The following TPMT variants were observed in gnomAD, a reference collection of about 807,000 sequenced individuals.
The protein encoded by TPMT is S-adenosyl-L-methionine:thiopurine S-methyltransferase.
Under a neutral mutation model 34.2 loss-of-function variants are expected in TPMT, and 18 were observed. The ratio of observed to expected loss-of-function variants is 0.53; its 90% CI spans 0.36 to 0.78. The LOEUF (loss-of-function observed/expected upper bound fraction) is 0.78. TPMT is among the 30% of genes least tolerant of loss of function. The pLI, the probability that TPMT is intolerant of heterozygous loss-of-function variation, is 0.00. For missense variants in TPMT, 265 were observed against 288.1 expected (o/e 0.92, Z 0.58); for synonymous variants, 69 against 92.4 (o/e 0.75, Z 1.45).
rs1246496674 is a variant in TPMT at position 18,130,749 on chromosome 6, C to T, written c.657G>A (p.Lys219=). The change falls in exon 9 of 9, where the codon AAG becomes AAA. Residue 219 remains lysine, a synonymous_variant. Transcript: ENST00000309983. The surrounding 1 kb of genome is among the most constrained non-coding windows in gnomAD (Gnocchi z 4.2). The part of the protein sequence containing the change: ...GKICNIRCLE[K]VDAFEERHKS... ...TATGTCGTTCTTCAAAAGCATCAAC[C>T]TTCTCAAGACAACGTATATTGCATA... 1 of 1,613,650 alleles carries T rather than the reference C, an allele frequency of 6.2e-7. No individual in the cohort carries two copies. The highest frequency in any genetic ancestry group is 1.1e-5 in the South Asian group (1 of 91,066).
rs150455490 is a variant in TPMT, at chr6:18,149,554, C to G, written c.-44-383G>C. On this transcript the variant is annotated intron_variant, in intron 1 of 8. Transcript: ENST00000309983. This position sits in a 1 kb window ranked among gnomAD's most constrained non-coding sequence, Gnocchi z 5.0. ...TTACTGCAAGCTTCAACCTCCTGGG[C>G]TCAAGCGATCCTCCCATTTCAGCCT... Among the ~76,000 whole-genome samples, 3 of 151,704 alleles carry G rather than the reference C, an allele frequency of 2.0e-5. No individual in the cohort carries two copies. Among genetic ancestry groups the G allele is most frequent in the Non-Finnish European group, 2.9e-5 (2 of 67,928 alleles).
intron 7 of TPMT, among the ~76,000 whole-genome samples, chr6:18,133,456 C>G (rs1030268728): frequency 6.6e-6 from 1 of 152,260 alleles, no homozygotes; most frequent in Non-Finnish European, 1.5e-5. Flanking sequence ...ATCACTACCA[C>G]TTGGGTGATA....
chr6:18,149,064 G>A lies in TPMT; in HGVS notation c.64C>T (p.Gln22Ter). The A allele has an allele frequency of 6.2e-7, 1 of 1,614,042 alleles. No homozygotes were observed. Among genetic ancestry groups the A allele is most frequent in the Non-Finnish European group, 8.5e-7 (1 of 1,180,004 alleles). ...EYSDTEVQKN[Q>*]VLTLEEWQDK... is the part of the protein sequence containing the mutation. ...TGCCATTCTTCCAGAGTTAGTACTT[G>A]GTTTTTCTGTACCTCAGTATCCGAG... The change falls in exon 2 of 9, where the codon CAA becomes TAA. Residue 22 changes from glutamine (Q) to a stop codon, truncating the protein, a stop_gained. Transcript: ENST00000309983. LOFTEE classifies it high-confidence loss of function. This position sits in a 1 kb window ranked among gnomAD's most constrained non-coding sequence, Gnocchi z 5.0.
At position 18,143,110 on chromosome 6, in the gene TPMT, C is replaced by G. The variant is rs1481980546; in HGVS notation, c.366+486G>C. Among the ~76,000 whole-genome samples, 2 of 152,202 alleles carry G rather than the reference C, an allele frequency of 1.3e-5. No individual in the cohort carries two copies. The highest frequency in any genetic ancestry group is 3.9e-4 in the East Asian group (2 of 5,184). The stretch of plus-strand genomic sequence containing the variant: ...TCCAGCTCTATCTGTCACCATGCTT[C>G]AGGAAGCACCGCCAGGTTGGGCAGG... On this transcript the variant is annotated intron_variant, in intron 4 of 8. Coordinates refer to ENST00000309983, the MANE Select transcript of TPMT (RefSeq NM_000367.5). The surrounding 1 kb of genome is among the most constrained non-coding windows in gnomAD (Gnocchi z 6.1).
intron 4 of TPMT, among the ~76,000 whole-genome samples, chr6:18,142,299 T>C (rs2150714743): frequency 6.6e-6 from 1 of 152,222 alleles, no homozygotes; most frequent in South Asian, 2.1e-4. Flanking sequence ...CTGGGGAATT[T>C]ACCCCAGACA....
rs978653140 is a variant in TPMT at position 18,136,798 on chromosome 6, G to A, written c.494+2165C>T. Among the ~76,000 whole-genome samples, 1 of 151,756 alleles carries A rather than the reference G, an allele frequency of 6.6e-6. No individual in the cohort carries two copies. The highest frequency in any genetic ancestry group is 2.4e-5 in the African/African-American group (1 of 41,158). On this transcript the variant is annotated intron_variant, in intron 6 of 8. Coordinates refer to ENST00000309983, the MANE Select transcript of TPMT (RefSeq NM_000367.5). This position sits in a 1 kb window ranked among gnomAD's most constrained non-coding sequence, Gnocchi z 4.7. ...GCACTCCAGCCTGGGCAACAAGAGC[G>A]AAACTCTGTCTCGAAAAAAAAGATT...
chr6:18,143,622 C>T lies in TPMT; in HGVS notation c.340G>A (p.Glu114Lys), dbSNP rs115106679. ...NLSYSEEPIT[E>K]IPGTKVFKSS... Reference sequence around the variant, plus strand: ...TTAAATACTTTGGTTCCAGGAATTTCGGTGATTGGTTCTTCTGAGTAAGAA... The same window carrying T: ...TTAAATACTTTGGTTCCAGGAATTTTGGTGATTGGTTCTTCTGAGTAAGAA... The change falls in exon 4 of 9, where the codon GAA becomes AAA. Residue 114 changes from glutamate (E) to lysine (K), a missense_variant. Glu to Lys is a moderately conservative substitution (Grantham distance 56). Transcript: ENST00000309983. The surrounding 1 kb of genome is among the most constrained non-coding windows in gnomAD (Gnocchi z 6.1). 2.2e-5 allele frequency: 35 copies of T among 1,613,022 alleles called. No homozygotes were observed. The highest frequency in any genetic ancestry group is 4.4e-5 in the South Asian group (4 of 91,026).
At position 18,130,336 on chromosome 6, in the gene TPMT, A is replaced by G. The variant is rs1190800994; in HGVS notation, c.*332T>C. ...AGTTTTTCTGTGTGTATTATATTTA[A>G]TATGCATTGCATTTTGAAATATTTT... is the stretch of plus-strand genomic sequence containing the variant. On this transcript the variant is annotated 3_prime_UTR_variant, in exon 9 of 9. Coordinates refer to ENST00000309983, the MANE Select transcript of TPMT (RefSeq NM_000367.5). The surrounding 1 kb of genome is among the most constrained non-coding windows in gnomAD (Gnocchi z 4.2). 4.2e-6 allele frequency: 1 copy of G among 238,392 alleles called. No individual in the cohort carries two copies. The highest frequency in any genetic ancestry group is 1.1e-4 in the East Asian group (1 of 8,784). The allele number at this position is 238,392 out of a possible 1,614,324, so 14.8% of individuals were successfully genotyped here.
At chr6:18,134,403 TAAGAG>T (rs1784005510) in intron 6 of TPMT, among the ~76,000 whole-genome samples, 1 of 152,168 alleles carries the variant, frequency 6.6e-6, no homozygotes, top group Admixed American at 6.5e-5. Flanking sequence ...GGGCCTTATG[TAAGAG>T]AAAACACAAT....
chr6:18,134,018 C>T (rs1268010738), intron 6 of TPMT, 129 bp from the exon 7 acceptor site: 1 of 723,772 alleles, frequency 1.4e-6, no homozygotes, highest in Non-Finnish European at 2.4e-6. Context: ...TCCTAATAAT[C>T]ACAAGAGGTT....
rs1205749315 is a variant in TPMT at position 18,146,194 on chromosome 6, T to C, written c.233+1629A>G. On this transcript the variant is annotated intron_variant, in intron 3 of 8. Coordinates refer to ENST00000309983, the MANE Select transcript of TPMT (RefSeq NM_000367.5). The surrounding 1 kb of genome is among the most constrained non-coding windows in gnomAD (Gnocchi z 6.2). ...ATATATATATACATAAAAATAACTG[T>C]ATTTACGTATATATACATATATATA... 6.6e-6 allele frequency among the ~76,000 whole-genome samples: 1 copy of C among 151,702 alleles called. No individual in the cohort carries two copies. Among genetic ancestry groups the C allele is most frequent in the Non-Finnish European group, 1.5e-5 (1 of 67,982 alleles).
rs958777719 is a variant in TPMT, at chr6:18,146,116, C to T, written c.233+1707G>A. ...ATCAGTTACATAAATGAAAAATCAT[C>T]TACTATCATAACTTCTTAACTTCTT... On this transcript the variant is annotated intron_variant, in intron 3 of 8. Coordinates refer to ENST00000309983, the MANE Select transcript of TPMT (RefSeq NM_000367.5). The surrounding 1 kb of genome is among the most constrained non-coding windows in gnomAD (Gnocchi z 6.2). 2.6e-5 allele frequency among the ~76,000 whole-genome samples: 4 copies of T among 152,074 alleles called. No homozygotes were observed. The highest frequency in any genetic ancestry group is 4.4e-5 in the Non-Finnish European group (3 of 68,026).
rs1784115530 is a variant in TPMT, at chr6:18,140,219, A to G, written c.367-502T>C. ...ATCTATCCTGGGTTCTTGACAGTAG[A>G]TTTGAATTCGACACAGTCTCTGACC... On this transcript the variant is annotated intron_variant, in intron 4 of 8. Transcript: ENST00000309983. The surrounding 1 kb of genome is among the most constrained non-coding windows in gnomAD (Gnocchi z 4.7). Among the ~76,000 whole-genome samples, 1 of 152,220 alleles carries G rather than the reference A, an allele frequency of 6.6e-6. No individual in the cohort carries two copies. Among genetic ancestry groups the G allele is most frequent in the Admixed American group, 6.5e-5 (1 of 15,286 alleles).
chr6:18,132,158 T>C lies in TPMT; in HGVS notation c.600A>G (p.Pro200=), dbSNP rs750258218. 2 of 1,614,206 alleles carry C rather than the reference T, an allele frequency of 1.2e-6. No individual in the cohort carries two copies. The highest frequency in any genetic ancestry group is 8.5e-7 in the Non-Finnish European group (1 of 1,180,012). Residue 200 remains proline, a synonymous_variant, in exon 8 of 9, where the codon CCA becomes CCG. Coordinates refer to ENST00000309983, the MANE Select transcript of TPMT (RefSeq NM_000367.5). This position sits in a 1 kb window ranked among gnomAD's most constrained non-coding sequence, Gnocchi z 4.8. ...CAAACAACCTTTCAATTTCAGCATGTGGAACATAAAATGGTGGACCTAGGT... is the reference window on the plus strand; with the variant it reads ...CAAACAACCTTTCAATTTCAGCATGCGGAACATAAAATGGTGGACCTAGGT... ...TKHPGPPFYV[P]HAEIERLFGK...
chr6:18,132,353 C>G lies in TPMT; in HGVS notation c.581-176G>C, dbSNP rs933094964. ...TACTGAGAGGATGGCAATGTTACAT[C>G]CCCATCATATCCATCTTTAGCTTAG... On this transcript the variant is annotated intron_variant, in intron 7 of 8. Coordinates refer to ENST00000309983, the MANE Select transcript of TPMT (RefSeq NM_000367.5). This position sits in a 1 kb window ranked among gnomAD's most constrained non-coding sequence, Gnocchi z 4.8. 6.6e-6 allele frequency among the ~76,000 whole-genome samples: 1 copy of G among 152,132 alleles called. No individual in the cohort carries two copies. The highest frequency in any genetic ancestry group is 2.4e-5 in the African/African-American group (1 of 41,422).
Position 18,150,918 on chromosome 6 carries a change from T to G in TPMT, c.-44-1747A>C. On this transcript the variant is annotated intron_variant, in intron 1 of 8. Coordinates refer to ENST00000309983, the MANE Select transcript of TPMT (RefSeq NM_000367.5). This position sits in a 1 kb window ranked among gnomAD's most constrained non-coding sequence, Gnocchi z 5.3. The stretch of plus-strand genomic sequence containing the variant: ...TAATAGAGATGAGATTTGACCATGT[T>G]GGCCAGGCTGGTCTTGAACTCCTGG... 6.6e-6 allele frequency among the ~76,000 whole-genome samples: 1 copy of G among 152,138 alleles called. No individual in the cohort carries two copies. Among genetic ancestry groups the G allele is most frequent in the Non-Finnish European group, 1.5e-5 (1 of 68,012 alleles).
chr6:18,129,124 C>A lies in TPMT; in HGVS notation c.*1544G>T, dbSNP rs889486726. On this transcript the variant is annotated 3_prime_UTR_variant, in exon 9 of 9. Transcript: ENST00000309983. ...TGGAGAGAATTGTGTTGGTCCAGCTCGGGTTAGTTGTCCATTCAACCGGTG... is the reference window on the plus strand; with the variant it reads ...TGGAGAGAATTGTGTTGGTCCAGCTAGGGTTAGTTGTCCATTCAACCGGTG... 10 of 152,280 alleles carry A rather than the reference C, an allele frequency of 6.6e-5. No individual in the cohort carries two copies. The highest frequency in any genetic ancestry group is 2.4e-4 in the African/African-American group (10 of 41,554). 9.4% of individuals were successfully genotyped at this position (152,280 alleles called of 1,614,324 possible).
rs1489514458 is a variant in TPMT at position 18,146,275 on chromosome 6, T to C, written c.233+1548A>G. ...ACCTAGGCTGGAGTGCATGGGCTCA[T>C]TGCAACCTCCGCCTCCTGGATTCAA... is the stretch of plus-strand genomic sequence containing the variant. On this transcript the variant is annotated intron_variant, in intron 3 of 8. Coordinates refer to ENST00000309983, the MANE Select transcript of TPMT (RefSeq NM_000367.5). This position sits in a 1 kb window ranked among gnomAD's most constrained non-coding sequence, Gnocchi z 6.2. 6.6e-6 allele frequency among the ~76,000 whole-genome samples: 1 copy of C among 152,022 alleles called. No individual in the cohort carries two copies. The highest frequency in any genetic ancestry group is 6.6e-5 in the Admixed American group (1 of 15,252).
Position 18,143,744 on chromosome 6 carries a change from C to T in TPMT, c.234-16G>A, listed in dbSNP as rs373715521. ...GTCTGCAAACCTGCATAAAATCATA[C>T]ATTTACACTTAAATTATGTTTTCAA... On this transcript the variant is annotated splice_polypyrimidine_tract_variant and intron_variant, in intron 3 of 8. Transcript: ENST00000309983. This position sits in a 1 kb window ranked among gnomAD's most constrained non-coding sequence, Gnocchi z 6.1. 1.9e-6 allele frequency: 3 copies of T among 1,613,742 alleles called. No individual in the cohort carries two copies. Among genetic ancestry groups the T allele is most frequent in the South Asian group, 1.1e-5 (1 of 91,076 alleles).
Sources: allele counts gnomAD v4.1 joint callset (sites outside exome capture counted in the v4.1 genomes callset), GRCh38; gene constraint gnomAD v4.1.1; non-coding constraint Gnocchi (gnomAD v3.1); transcripts MANE v1.5; gene names NCBI Gene and HGNC (gene_info 2026-07-23, HGNC 2026-07-21).